The following ACTR3C variants were observed in gnomAD, a reference collection of about 807,000 sequenced individuals.
ACTR3C encodes actin related protein 3C, also known as actin-related protein 3C.
ACTR3C carries 18 observed loss-of-function variants against 26.3 expected under a neutral mutation model. The ratio of observed to expected loss-of-function variants is 0.68; its 90% CI spans 0.47 to 1.01. The LOEUF is 1.01. Among genes scored for constraint, ACTR3C ranks in the 50% least tolerant of loss-of-function variants. ACTR3C has a pLI of 0.00. For missense variants in ACTR3C, 184 were observed against 250.7 expected (o/e 0.73, Z 1.80); for synonymous variants, 55 against 94.5 (o/e 0.58, Z 2.42).
chr7:150,200,720 A>G, the ACTR3C span, among the ~76,000 whole-genome samples: 13 of 152,240 alleles, frequency 8.5e-5, no homozygotes, highest in East Asian at 2.3e-3. Context: ...ACGAACAGAC[A>G]TACAAAGGAA....
At chr7:149,922,970 C>CTTTTTTTTTTTTTTTTTTT in the ACTR3C span, among the ~76,000 whole-genome samples, 15 of 69,156 alleles carry the variant, frequency 2.2e-4, 2 homozygotes, top group African/African-American at 7.6e-4. Flanking sequence ...AAATAAAAGG[C>CTTTTTTTTTTTTTTTTTTT]TTTTTTTTTT....
At chr7:150,003,673 T>C in the ACTR3C span, among the ~76,000 whole-genome samples, 1 of 152,132 alleles carries the variant, frequency 6.6e-6, no homozygotes, top group Non-Finnish European at 1.5e-5. Flanking sequence ...TGGTATATAG[T>C]GCAGTGTGTG....
the ACTR3C span, among the ~76,000 whole-genome samples, chr7:149,914,367 G>C: frequency 6.6e-6 from 1 of 151,876 alleles, no homozygotes; most frequent in Non-Finnish European, 1.5e-5. Context: ...TGAGGTGTTG[G>C]ATCACCTGAG....
chr7:150,059,068 C>A, the ACTR3C span, among the ~76,000 whole-genome samples: 1 of 152,214 alleles, frequency 6.6e-6, no homozygotes, highest in African/African-American at 2.4e-5. Context: ...TAGGCCCTTT[C>A]AGCCAGGAAT....
the ACTR3C span, among the ~76,000 whole-genome samples, chr7:150,167,089 T>C: frequency 6.6e-6 from 1 of 150,534 alleles, no homozygotes; most frequent in Non-Finnish European, 1.5e-5. Context: ...ATGCCATATC[T>C]TGACTATTGA....
At chr7:150,149,079 GTATATATATATATATATATAT>G in the ACTR3C span, among the ~76,000 whole-genome samples, 9 of 93,152 alleles carry the variant, frequency 9.7e-5, no homozygotes, top group South Asian at 3.9e-3. Context: ...TAAAGTTTGA[GTATATATATATATATATATAT>G]ATATATATAT....
In ACTR3C at chr7:150,305,213, C is replaced by T. The variant is rs4015679; in HGVS notation, c.-51-9866G>A. Among the ~76,000 whole-genome samples, 784 of 151,744 alleles carry T rather than the reference C, an allele frequency of 5.2e-3. 11 individuals are homozygous for T. Among genetic ancestry groups the T allele is most frequent in the African/African-American group, 0.017 (717 of 41,030 alleles). On this transcript the variant is annotated intron_variant, in intron 1 of 7. Coordinates refer to ENST00000683684, the MANE Select transcript of ACTR3C (RefSeq NM_001164458.2). ...ATTTTCTCCCACTGACTCAGAGCTG[C>T]ATAAACGGGCCCTTCCTGAAGGATT...
chr7:150,093,761 A>G, the ACTR3C span, among the ~76,000 whole-genome samples: 1 of 150,848 alleles, frequency 6.6e-6, no homozygotes, highest in Non-Finnish European at 1.5e-5. Flanking sequence ...GTAGCTTCTC[A>G]TCTAAAAAAG....
chr7:149,973,683 G>C, the ACTR3C span, among the ~76,000 whole-genome samples: 1 of 151,988 alleles, frequency 6.6e-6, no homozygotes. Context: ...CGGTCTGCGG[G>C]AGTTCATATT....
the ACTR3C span, among the ~76,000 whole-genome samples, chr7:150,191,003 C>T: frequency 6.6e-6 from 1 of 152,186 alleles, no homozygotes; most frequent in Non-Finnish European, 1.5e-5. Flanking sequence ...TACCTCCCAC[C>T]AGGTCCCTCC....
At chr7:149,942,126 G>A in the ACTR3C span, among the ~76,000 whole-genome samples, 3 of 141,140 alleles carry the variant, frequency 2.1e-5, no homozygotes, top group South Asian at 2.1e-4. Context: ...GTGCAGGTGT[G>A]TGTGCGTGCA....
chr7:150,157,851 C>T, the ACTR3C span, among the ~76,000 whole-genome samples: 1 of 151,848 alleles, frequency 6.6e-6, no homozygotes, highest in Non-Finnish European at 1.5e-5. Flanking sequence ...CTAGGCACAG[C>T]GCTGGGTCAT....
the ACTR3C span, among the ~76,000 whole-genome samples, chr7:150,033,894 C>A: frequency 7.4e-6 from 1 of 135,450 alleles, no homozygotes; most frequent in African/African-American, 2.8e-5. Flanking sequence ...AAGAGGGGCT[C>A]GCTCTCAGTC....
the ACTR3C span, among the ~76,000 whole-genome samples, chr7:150,175,685 A>G: frequency 1.3e-5 from 2 of 148,356 alleles, no homozygotes; most frequent in African/African-American, 5.3e-5. Flanking sequence ...GGTGGTGGGC[A>G]CCTGTAATCC....
chr7:150,114,728 A>G, the ACTR3C span, among the ~76,000 whole-genome samples: 1 of 152,236 alleles, frequency 6.6e-6, no homozygotes, highest in Non-Finnish European at 1.5e-5. Flanking sequence ...GTGGAAACAA[A>G]GACATTTTTC....
At chr7:150,250,818 C>T (rs1023766955) in intron 6 of ACTR3C, among the ~76,000 whole-genome samples, 1 of 151,912 alleles carries the variant, frequency 6.6e-6, no homozygotes, top group Non-Finnish European at 1.5e-5. Flanking sequence ...GGTTGAGATG[C>T]CGATTAAGCA....
At chr7:150,257,736 G>A (rs1833321879) in intron 6 of ACTR3C, among the ~76,000 whole-genome samples, 1 of 152,234 alleles carries the variant, frequency 6.6e-6, no homozygotes, top group East Asian at 1.9e-4. Context: ...GCTGAAGGAA[G>A]CAGAGATTGT....
the ACTR3C span, among the ~76,000 whole-genome samples, chr7:150,193,117 G>A: frequency 1.3e-5 from 2 of 152,158 alleles, no homozygotes; most frequent in African/African-American, 4.8e-5. Context: ...ATCCTCATAT[G>A]TGGCTTCCAG....
chr7:149,968,695 A>G, the ACTR3C span, among the ~76,000 whole-genome samples: 1 of 151,978 alleles, frequency 6.6e-6, no homozygotes, highest in Admixed American at 6.6e-5. Flanking sequence ...TTAATGTCAA[A>G]CTTAATTTTA....
Sources: gnomAD v4.1 joint callset for allele counts (sites outside exome capture counted in the v4.1 genomes callset) on GRCh38, gnomAD v4.1.1 for gene constraint, MANE v1.5 for transcripts, NCBI Gene and HGNC (gene_info 2026-07-23, HGNC 2026-07-21) for gene names.